The following TBC1D16 variants were observed in gnomAD, a reference collection of about 807,000 sequenced individuals.
The protein encoded by TBC1D16 is TBC1 domain family member 16.
A neutral mutation model predicts 74.7 loss-of-function variants in TBC1D16; 58 were observed. The observed-to-expected ratio is 0.78, with a 90% confidence interval of 0.63 to 0.97. The LOEUF (loss-of-function observed/expected upper bound fraction) is 0.97. Ranked by LOEUF, TBC1D16 falls within the 50% of genes least tolerant of loss-of-function variation. The pLI is 0.00. For synonymous variants in TBC1D16, 493 were observed against 474.7 expected (o/e 1.04, Z -0.50); for missense variants, 1,014 against 1,079.5 (o/e 0.94, Z 0.85).
chr17:80,014,662 CACT>C (rs1344843079), intron 1 of TBC1D16, among the ~76,000 whole-genome samples: 1 of 152,084 alleles, frequency 6.6e-6, no homozygotes, highest in Admixed American at 6.5e-5. Context: ...AATCTGGCAC[CACT>C]GAGAAGGCCC....
chr17:79,974,482 C>T (rs1008011872), intron 3 of TBC1D16, among the ~76,000 whole-genome samples: 9 of 152,290 alleles, frequency 5.9e-5, no homozygotes, highest in Admixed American at 2.0e-4. Context: ...AGGTGATCCA[C>T]CTGCCTTGGC....
intron 3 of TBC1D16, 65 bp from the exon 4 acceptor site, chr17:79,952,883 G>T: frequency 1.3e-6 from 2 of 1,527,086 alleles, no homozygotes; most frequent in Non-Finnish European, 8.8e-7. Context: ...AGAGGGGGAC[G>T]GGGGTCATGG....
At position 80,001,455 on chromosome 17, in the gene TBC1D16, T is replaced by C. The variant is rs951226375; in HGVS notation, c.779+8705A>G. Among the ~76,000 whole-genome samples the C allele has an allele frequency of 6.6e-6, 1 of 151,740 alleles. No homozygotes were observed. Among genetic ancestry groups the C allele is most frequent in the African/African-American group, 2.4e-5 (1 of 41,352 alleles). ...ACCCAAACAACAGACCTTCAGGAGC[T>C]GCTGGCTTCCCGGCTGCCAGGCTGC... On this transcript the variant is annotated intron_variant, in intron 3 of 11. Transcript: ENST00000310924. This position sits in a 1 kb window ranked among gnomAD's most constrained non-coding sequence, Gnocchi z 5.8.
intron 3 of TBC1D16, among the ~76,000 whole-genome samples, chr17:79,999,084 C>T (rs2035386701): frequency 6.6e-6 from 1 of 152,008 alleles, no homozygotes; most frequent in Non-Finnish European, 1.5e-5. Context: ...GGCGAAACCC[C>T]ATCTCTAGTA....
At chr17:79,963,184 T>C (rs2033695886) in intron 3 of TBC1D16, among the ~76,000 whole-genome samples, 1 of 149,154 alleles carries the variant, frequency 6.7e-6, no homozygotes, top group Non-Finnish European at 1.5e-5. Context: ...GCCACTGCAC[T>C]GCCGCCTGGG....
rs1294905514 is a variant in TBC1D16, at chr17:80,020,058, T to C, written c.-62-6449A>G. ...AAAGAGGAAGTTGGTAGCAGGTGCCTATATACAAGGAGAGTGCTGTGTGAA... is the reference window on the plus strand; with the variant it reads ...AAAGAGGAAGTTGGTAGCAGGTGCCCATATACAAGGAGAGTGCTGTGTGAA... On this transcript the variant is annotated intron_variant, in intron 1 of 11. Coordinates refer to ENST00000310924, the MANE Select transcript of TBC1D16 (RefSeq NM_019020.4). Among the ~76,000 whole-genome samples the C allele has an allele frequency of 6.0e-5, 9 of 149,540 alleles. 1 individual carries two copies. The highest frequency in any genetic ancestry group is 3.9e-4 in the Admixed American group (6 of 15,208).
intron 1 of TBC1D16, among the ~76,000 whole-genome samples, chr17:80,015,496 C>T (rs1048510818): frequency 2.0e-5 from 3 of 152,058 alleles, no homozygotes; most frequent in African/African-American, 7.2e-5. Context: ...ATCCTGATCA[C>T]TGATGGGGGA....
chr17:79,950,947 G>A lies in TBC1D16; in HGVS notation c.1090-369C>T. 1 of 1,182,136 alleles carries A rather than the reference G, an allele frequency of 8.5e-7. No individual in the cohort carries two copies. Among genetic ancestry groups the A allele is most frequent in the Non-Finnish European group, 1.1e-6 (1 of 870,070 alleles). 73.2% of individuals were successfully genotyped at this position (1,182,136 alleles called of 1,614,324 possible). ...ATACAAAGGGATCGCTGTTCTGCGA[G>A]CAGGGAGCCAGCCTGTCAGATTGCC... On this transcript the variant is annotated intron_variant, in intron 5 of 11. Coordinates refer to ENST00000310924, the MANE Select transcript of TBC1D16 (RefSeq NM_019020.4). This position sits in a 1 kb window ranked among gnomAD's most constrained non-coding sequence, Gnocchi z 4.6.
At chr17:80,023,081 T>C (rs2036341365) in intron 1 of TBC1D16, among the ~76,000 whole-genome samples, 1 of 150,192 alleles carries the variant, frequency 6.7e-6, no homozygotes, top group African/African-American at 2.5e-5. Context: ...GTGTGTGAGA[T>C]CCACGGTTCT....
In TBC1D16 at chr17:79,952,804, G is replaced by C; in HGVS notation, c.794C>G (p.Ser265Cys). 1 of 1,609,298 alleles carries C rather than the reference G, an allele frequency of 6.2e-7. No individual in the cohort carries two copies. The highest frequency in any genetic ancestry group is 8.5e-7 in the Non-Finnish European group (1 of 1,177,626). ...LESDSSPPSS[S>C]DAGLRFPDSN... ...GTCCGGGAACCGCAGGCCGGCGTCG[G>C]AGCTGGACGGGGGGCTGGTGGAACA... Residue 265 changes from serine to cysteine, a missense_variant, in exon 4 of 12, where the codon TCC becomes TGC. Coordinates refer to ENST00000310924, the MANE Select transcript of TBC1D16 (RefSeq NM_019020.4).
chr17:80,007,006 G>A lies in TBC1D16; in HGVS notation c.779+3154C>T, dbSNP rs2035700055. ...ATAAAAAGAAAGCTCTCAGCAGTCT[G>A]TCTTGGAGACAGGCTGTTTTCACTC... On this transcript the variant is annotated intron_variant, in intron 3 of 11. Transcript: ENST00000310924. The surrounding 1 kb of genome is among the most constrained non-coding windows in gnomAD (Gnocchi z 4.5). Among the ~76,000 whole-genome samples, 1 of 152,072 alleles carries A rather than the reference G, an allele frequency of 6.6e-6. No homozygotes were observed. The highest frequency in any genetic ancestry group is 2.1e-4 in the South Asian group (1 of 4,834).
In TBC1D16 at chr17:79,954,783, T is replaced by C. The variant is rs2033257618; in HGVS notation, c.780-1965A>G. Among the ~76,000 whole-genome samples the C allele has an allele frequency of 6.6e-6, 1 of 152,064 alleles. No homozygotes were observed. The highest frequency in any genetic ancestry group is 2.4e-5 in the African/African-American group (1 of 41,384). On this transcript the variant is annotated intron_variant, in intron 3 of 11. Coordinates refer to ENST00000310924, the MANE Select transcript of TBC1D16 (RefSeq NM_019020.4). The surrounding 1 kb of genome is among the most constrained non-coding windows in gnomAD (Gnocchi z 5.5). ...TGGCCCGGCCCACCCAGTGGGGCCA[T>C]CAGAGGGTGGTATCCTTTCCCGCCT...
chr17:80,033,973 G>A (rs972893640), intron 1 of TBC1D16, among the ~76,000 whole-genome samples: 6 of 152,188 alleles, frequency 3.9e-5, no homozygotes, highest in East Asian at 3.8e-4. Flanking sequence ...GAGCTGGGAC[G>A]TCCTGGGCCT....
chr17:79,972,942 C>G (rs1045774964), intron 3 of TBC1D16, among the ~76,000 whole-genome samples: 1 of 152,014 alleles, frequency 6.6e-6, no homozygotes, highest in African/African-American at 2.4e-5. Context: ...ATTAGCCAGG[C>G]ATGGTGGTGC....
At chr17:80,033,702 G>T (rs1276485614) in intron 1 of TBC1D16, among the ~76,000 whole-genome samples, 1 of 152,204 alleles carries the variant, frequency 6.6e-6, no homozygotes, top group Non-Finnish European at 1.5e-5. Flanking sequence ...TCTACGCCAT[G>T]TTCTTAACCA....
intron 3 of TBC1D16, among the ~76,000 whole-genome samples, chr17:79,995,550 C>CCA (rs372142204): frequency 0.36 from 51,662 of 143,268 alleles, 10,560 homozygotes; most frequent in Admixed American, 0.49. Context: ...CTTTGGGAGG[C>CCA]TGAGGTGGGC....
intron 1 of TBC1D16, among the ~76,000 whole-genome samples, chr17:80,026,647 G>A (rs570005310): frequency 1.0e-4 from 15 of 149,722 alleles, no homozygotes; most frequent in Admixed American, 3.3e-4. Flanking sequence ...CCCAGCTGCC[G>A]GCAGCCCAAG....
chr17:80,020,515 G>A (rs867780241), intron 1 of TBC1D16, among the ~76,000 whole-genome samples: 1 of 149,634 alleles, frequency 6.7e-6, no homozygotes, highest in Non-Finnish European at 1.5e-5. Flanking sequence ...TACTCAGGAG[G>A]TGGAGGTTGC....
At position 80,007,598 on chromosome 17, in the gene TBC1D16, C is replaced by T. The variant is rs902059694; in HGVS notation, c.779+2562G>A. ...GGCCATGGGGAGGGCCCTCCTCAGCCCAGGGTTCGGGGGAATAGAGAAGCC... is the reference window on the plus strand; with the variant it reads ...GGCCATGGGGAGGGCCCTCCTCAGCTCAGGGTTCGGGGGAATAGAGAAGCC... On this transcript the variant is annotated intron_variant, in intron 3 of 11. Coordinates refer to ENST00000310924, the MANE Select transcript of TBC1D16 (RefSeq NM_019020.4). This position sits in a 1 kb window ranked among gnomAD's most constrained non-coding sequence, Gnocchi z 4.5. Among the ~76,000 whole-genome samples, 2 of 152,126 alleles carry T rather than the reference C, an allele frequency of 1.3e-5. No individual in the cohort carries two copies. The highest frequency in any genetic ancestry group is 4.8e-5 in the African/African-American group (2 of 41,418).
Sources: allele counts gnomAD v4.1 joint callset (sites outside exome capture counted in the v4.1 genomes callset), GRCh38; gene constraint gnomAD v4.1.1; non-coding constraint Gnocchi (gnomAD v3.1); transcripts MANE v1.5; gene names NCBI Gene and HGNC (gene_info 2026-07-23, HGNC 2026-07-21).